FOXO1: variants seen among roughly 807,000 people sequenced by gnomAD.
The protein encoded by FOXO1 is forkhead box protein O1.
Under a neutral mutation model 44.1 loss-of-function variants are expected in FOXO1, and 6 were observed. That is an observed-to-expected ratio of 0.14 (90% confidence interval 0.07 to 0.27). The LOEUF is 0.27. Among genes scored for constraint, FOXO1 ranks in the 10% least tolerant of loss-of-function variants. FOXO1 has a pLI of 1.00. For synonymous variants in FOXO1, 380 were observed against 362.7 expected, an observed-to-expected ratio of 1.05 and a Z score of -0.54; for missense variants, 737 against 888.8, an observed-to-expected ratio of 0.83 and a Z score of 2.17.
At chr13:40,614,874 C>A (rs1876366278) in intron 1 of FOXO1, among the ~76,000 whole-genome samples, 1 of 152,186 alleles carries the variant, frequency 6.6e-6, no homozygotes, top group Non-Finnish European at 1.5e-5. Context: ...TATAAAGTTT[C>A]TCCTGAAAGG....
At chr13:40,639,519 T>C (rs1877278840) in intron 1 of FOXO1, among the ~76,000 whole-genome samples, 1 of 152,242 alleles carries the variant, frequency 6.6e-6, no homozygotes, top group Non-Finnish European at 1.5e-5. Flanking sequence ...GGCATTTTCA[T>C]GCAGGAAAAA....
chr13:40,646,679 C>T (rs1044493640), intron 1 of FOXO1, among the ~76,000 whole-genome samples: 10 of 152,086 alleles, frequency 6.6e-5, no homozygotes, highest in African/African-American at 1.7e-4. Context: ...CTACAACCAC[C>T]GCCTCCCGGG....
intron 1 of FOXO1, among the ~76,000 whole-genome samples, chr13:40,586,428 T>A (rs1166635462): frequency 6.6e-6 from 1 of 151,880 alleles, no homozygotes; most frequent in Non-Finnish European, 1.5e-5. Context: ...CATCCCCGGG[T>A]TTCCAGGGAG....
intron 1 of FOXO1, among the ~76,000 whole-genome samples, chr13:40,589,733 A>G (rs1875299587): frequency 6.6e-6 from 1 of 152,218 alleles, no homozygotes; most frequent in Non-Finnish European, 1.5e-5. Context: ...GGAAGTTAAG[A>G]AAGAGGAAAT....
At chr13:40,619,189 G>A (rs1457142282) in intron 1 of FOXO1, 4 of 358,356 alleles carry the variant, frequency 1.1e-5, no homozygotes, top group Non-Finnish European at 2.1e-5. Flanking sequence ...AGCTACTCAG[G>A]AGGCTGAGGC....
intron 1 of FOXO1, among the ~76,000 whole-genome samples, chr13:40,597,493 T>C (rs190332736): frequency 6.6e-6 from 1 of 152,292 alleles, no homozygotes; most frequent in African/African-American, 2.4e-5. Context: ...TCCCTAACTG[T>C]GATCAGGACC....
chr13:40,602,521 G>A (rs1031233264), intron 1 of FOXO1, among the ~76,000 whole-genome samples: 9 of 151,914 alleles, frequency 5.9e-5, no homozygotes, highest in African/African-American at 1.5e-4. Flanking sequence ...CAATGTACCC[G>A]AAAAAAAGAA....
intron 1 of FOXO1, among the ~76,000 whole-genome samples, chr13:40,585,547 G>C (rs1305374220): frequency 6.6e-6 from 1 of 152,140 alleles, no homozygotes; most frequent in African/African-American, 2.4e-5. Flanking sequence ...ATCAAACATT[G>C]ATAACACCTA....
intron 1 of FOXO1, among the ~76,000 whole-genome samples, chr13:40,625,181 G>C (rs1876746934): frequency 6.6e-6 from 1 of 152,012 alleles, no homozygotes. Flanking sequence ...ATTCAACGTG[G>C]GGAAAAAAGA....
chr13:40,616,156 C>T (rs762051642), intron 1 of FOXO1, among the ~76,000 whole-genome samples: 4 of 152,112 alleles, frequency 2.6e-5, no homozygotes, highest in Non-Finnish European at 4.4e-5. Flanking sequence ...AAAGGAAAAA[C>T]GCCTTCTTCC....
intron 1 of FOXO1, among the ~76,000 whole-genome samples, chr13:40,580,688 C>A (rs1002936861): frequency 2.0e-5 from 3 of 152,198 alleles, no homozygotes; most frequent in African/African-American, 7.2e-5. Context: ...CACCTCCCTG[C>A]ACACATTCAA....
At chr13:40,641,202 C>G (rs1007924519) in intron 1 of FOXO1, among the ~76,000 whole-genome samples, 1 of 152,068 alleles carries the variant, frequency 6.6e-6, no homozygotes, top group Admixed American at 6.6e-5. Context: ...GGTGACAGAG[C>G]CAACAGTGAA....
At chr13:40,633,383 C>T (rs1877041340) in intron 1 of FOXO1, among the ~76,000 whole-genome samples, 1 of 152,064 alleles carries the variant, frequency 6.6e-6, no homozygotes, top group African/African-American at 2.4e-5. Flanking sequence ...TATTTAAAAT[C>T]AACTGATAAA....
chr13:40,661,417 T>C (rs1424431174), intron 1 of FOXO1, among the ~76,000 whole-genome samples: 1 of 151,922 alleles, frequency 6.6e-6, no homozygotes, highest in African/African-American at 2.4e-5. Flanking sequence ...TTGGGATTAT[T>C]GGCACGATAG....
intron 1 of FOXO1, among the ~76,000 whole-genome samples, chr13:40,606,732 C>A (rs1876014679): frequency 6.6e-6 from 1 of 152,154 alleles, no homozygotes; most frequent in Non-Finnish European, 1.5e-5. Flanking sequence ...ATACTAGACA[C>A]TACTTGCCAG....
In FOXO1 at chr13:40,564,945, GAGTCGGGGAACCCCGACATGGTGT is replaced by G. The variant is rs1285122774; in HGVS notation, c.631-4109_631-4086del. Among the ~76,000 whole-genome samples the G allele has an allele frequency of 4.9e-3, 723 of 148,608 alleles. 5 individuals carry two copies. Among genetic ancestry groups the G allele is most frequent in the African/African-American group, 6.0e-3 (243 of 40,218 alleles). On this transcript the variant is annotated intron_variant, in intron 1 of 2. Transcript: ENST00000379561. ...GACCCAATGAGCTCCACAGATGGGG[GAGTCGGGGAACCCCGACATGGTGT>G]AGTCGGGGAACCCCGACATGGTGTA... is the stretch of plus-strand genomic sequence containing the variant.
rs372159853 is a variant in FOXO1 at position 40,559,709 on chromosome 13, G to C, written c.1782C>G (p.His594Gln). Reference sequence around the variant, plus strand: ...CCAAGTCACTTGGGAGCTTCTCCTGGTGGAGAAGGCCCATTCTGCCATAGC... The same window carrying C: ...CCAAGTCACTTGGGAGCTTCTCCTGCTGGAGAAGGCCCATTCTGCCATAGC... ...CNGYGRMGLL[H>Q]QEKLPSDLDG... The change falls in exon 2 of 3, where the codon CAC becomes CAG. Residue 594 changes from histidine to glutamine, a missense_variant. Physicochemically the swap from His to Gln is conservative, Grantham distance 24 (BLOSUM62 0). Coordinates refer to ENST00000379561, the MANE Select transcript of FOXO1 (RefSeq NM_002015.4). 2 of 1,613,832 alleles carry C rather than the reference G, an allele frequency of 1.2e-6. No homozygotes were observed. Among genetic ancestry groups the C allele is most frequent in the African/African-American group, 2.7e-5 (2 of 74,918 alleles).
chr13:40,613,440 C>T (rs977874155), intron 1 of FOXO1, among the ~76,000 whole-genome samples: 4 of 151,840 alleles, frequency 2.6e-5, no homozygotes, highest in East Asian at 1.9e-4. Context: ...AAAGTTACCA[C>T]ACAGAAAGGA....
chr13:40,608,473 T>C (rs1448664872), intron 1 of FOXO1, among the ~76,000 whole-genome samples: 2 of 152,168 alleles, frequency 1.3e-5, no homozygotes, highest in African/African-American at 2.4e-5. Flanking sequence ...AATAAATACA[T>C]ACAGTTGCAT....
Sources: gnomAD v4.1 joint callset for allele counts (sites outside exome capture counted in the v4.1 genomes callset) on GRCh38, gnomAD v4.1.1 for gene constraint, MANE v1.5 for transcripts, NCBI Gene and HGNC (gene_info 2026-07-23, HGNC 2026-07-21) for gene names.